ESRRG: variants seen among roughly 807,000 people sequenced by gnomAD.
ESRRG encodes estrogen-related receptor gamma.
Under a neutral mutation model 44.0 loss-of-function variants are expected in ESRRG, and 13 were observed. The ratio of observed to expected loss-of-function variants is 0.30; its 90% CI spans 0.19 to 0.47. ESRRG has a LOEUF of 0.47. Ranked by LOEUF, ESRRG falls within the 20% of genes least tolerant of loss-of-function variation. ESRRG has a pLI of 1.00. For synonymous variants in ESRRG, 215 were observed against 214.6 expected (o/e 1.00, Z -0.02); for missense variants, 395 against 580.6 (o/e 0.68, Z 3.29).
At chr1:217,036,309 T>TTG (rs778627681) in intron 1 of ESRRG, among the ~76,000 whole-genome samples, 27 of 152,268 alleles carry the variant, frequency 1.8e-4, no homozygotes, top group Non-Finnish European at 3.8e-4. Context: ...TCCCATTACT[T>TTG]GGTATATACC....
In ESRRG at chr1:216,643,992, A is replaced by G. The variant is rs142013370; in HGVS notation, c.589+6981T>C. Among the ~76,000 whole-genome samples, 395 of 152,226 alleles carry G rather than the reference A, an allele frequency of 2.6e-3. 1 individual carries two copies. Among genetic ancestry groups the G allele is most frequent in the South Asian group, 4.8e-3 (23 of 4,828 alleles). On this transcript the variant is annotated intron_variant, in intron 3 of 6. Coordinates refer to ENST00000408911, the MANE Select transcript of ESRRG (RefSeq NM_001438.4). The stretch of plus-strand genomic sequence containing the variant: ...CCTCTTATTTGGCCAAGGCTGCCAC[A>G]CAGCTTGGCATAGATACAGGAAGGT...
chr1:217,059,583 G>T (rs1224564414), intron 1 of ESRRG, among the ~76,000 whole-genome samples: 2 of 152,054 alleles, frequency 1.3e-5, no homozygotes, highest in Non-Finnish European at 2.9e-5. Flanking sequence ...AAGGACTCAA[G>T]AACCAACTTG....
intron 2 of ESRRG, among the ~76,000 whole-genome samples, chr1:216,877,383 T>G (rs2096372459): frequency 7.0e-6 from 1 of 142,854 alleles, no homozygotes; most frequent in Non-Finnish European, 1.6e-5. Context: ...TATGGTGTTT[T>G]TTTTTGTTTG....
At chr1:217,112,582 C>G (rs112479276) in intron 1 of ESRRG, among the ~76,000 whole-genome samples, 4 of 152,126 alleles carry the variant, frequency 2.6e-5, no homozygotes, top group African/African-American at 9.6e-5. Context: ...TTGTAGTTGC[C>G]TATAATAAAT....
rs1285952518 is a variant in ESRRG at position 216,504,108 on chromosome 1, C to T, written c.*2831G>A. ...AAAAAATTGTATCTCATTCTTTGAACATATCTCCATCTCAGGTTTTCAGTT... is the reference window on the plus strand; with the variant it reads ...AAAAAATTGTATCTCATTCTTTGAATATATCTCCATCTCAGGTTTTCAGTT... On this transcript the variant is annotated 3_prime_UTR_variant, in exon 7 of 7. Transcript: ENST00000408911. The T allele has an allele frequency of 6.6e-6, 1 of 152,498 alleles. No homozygotes were observed. The allele number at this position is 152,498 out of a possible 1,614,324, so 9.4% of individuals were successfully genotyped here. A position where few individuals can be genotyped will look rare whatever the true frequency, so the allele number is the denominator to read the frequency against.
At chr1:216,669,088 AT>A (rs1358555963) in intron 2 of ESRRG, among the ~76,000 whole-genome samples, 5 of 149,114 alleles carry the variant, frequency 3.4e-5, no homozygotes, top group African/African-American at 1.2e-4. Context: ...GTTTTTTTAT[AT>A]TTTTAAACAG....
upstream of ESRRG, chr1:216,723,432 A>C: frequency 5.2e-6 from 4 of 772,410 alleles, no homozygotes; most frequent in Non-Finnish European, 9.0e-6. Flanking sequence ...CAAAGCTCTC[A>C]CACTCTCCTA....
chr1:216,957,956 G>A (rs1016797964), intron 1 of ESRRG, among the ~76,000 whole-genome samples: 2 of 152,108 alleles, frequency 1.3e-5, no homozygotes, highest in African/African-American at 2.4e-5. Context: ...CCTCCCAGAG[G>A]AAACCAATGT....
At chr1:216,578,832 T>C (rs372020170) in intron 3 of ESRRG, among the ~76,000 whole-genome samples, 14 of 152,236 alleles carry the variant, frequency 9.2e-5, no homozygotes, top group African/African-American at 1.9e-4. Context: ...ACCTGAGCTA[T>C]CCACAGTTGC....
rs527939134 is a variant in ESRRG at position 216,927,716 on chromosome 1, C to T, written c.-14+11866G>A. 2.0e-4 allele frequency among the ~76,000 whole-genome samples: 30 copies of T among 152,250 alleles called. No homozygotes were observed. The South Asian group carries it at 5.8e-3, about 29-fold the overall frequency. ...CCTTCAGGAATATGGCATTCTTTTA[C>T]TCCAAGGCAGGACTGGTGCCATACT... On this transcript the variant is annotated intron_variant, in intron 2 of 7. Transcript: ENST00000359162.
chr1:217,015,887 G>A (rs1258374955), intron 1 of ESRRG, among the ~76,000 whole-genome samples: 8 of 151,888 alleles, frequency 5.3e-5, no homozygotes, highest in African/African-American at 1.9e-4. Flanking sequence ...ATGCCACCAC[G>A]CCCGGCTATT....
At chr1:216,685,538 C>T (rs1347558591) in intron 1 of ESRRG, among the ~76,000 whole-genome samples, 1 of 152,190 alleles carries the variant, frequency 6.6e-6, no homozygotes, top group Non-Finnish European at 1.5e-5. Context: ...TGAAGACCTT[C>T]CCACAGCACC....
In ESRRG at chr1:216,677,059, C is replaced by G. The variant is rs773822196; in HGVS notation, c.472+17G>C. ...GAGGTTGGAAGTGGGGAGAGTATTC[C>G]CAGGTCCGACACTAACCTTGAATTG... On this transcript the variant is annotated intron_variant, in intron 2 of 6. Transcript: ENST00000408911. The G allele has an allele frequency of 6.2e-7, 1 of 1,602,920 alleles. No individual in the cohort carries two copies. The highest frequency in any genetic ancestry group is 2.2e-5 in the East Asian group (1 of 44,752).
chr1:216,654,848 C>T (rs891439014), intron 2 of ESRRG, among the ~76,000 whole-genome samples: 1 of 151,844 alleles, frequency 6.6e-6, no homozygotes, highest in Non-Finnish European at 1.5e-5. Flanking sequence ...AAAAGGAAAA[C>T]AAAATAATAC....
intron 2 of ESRRG, among the ~76,000 whole-genome samples, chr1:216,838,986 A>G (rs1156848197): frequency 6.6e-6 from 1 of 152,114 alleles, no homozygotes; most frequent in Non-Finnish European, 1.5e-5. Flanking sequence ...GACAACAATG[A>G]AATTTACCAC....
chr1:216,601,959 C>G (rs2059317321), intron 3 of ESRRG, among the ~76,000 whole-genome samples: 1 of 152,186 alleles, frequency 6.6e-6, no homozygotes, highest in South Asian at 2.1e-4. Flanking sequence ...TTAAAATCCT[C>G]TTAATTAACA....
At chr1:216,563,452 G>T (rs1480154481) in intron 5 of ESRRG, among the ~76,000 whole-genome samples, 1 of 152,092 alleles carries the variant, frequency 6.6e-6, no homozygotes, top group African/African-American at 2.4e-5. Context: ...AAAGCATAAA[G>T]ACAAACTAGT....
chr1:217,065,010 T>C (rs1380839192), intron 1 of ESRRG, among the ~76,000 whole-genome samples: 1 of 152,176 alleles, frequency 6.6e-6, no homozygotes, highest in African/African-American at 2.4e-5. Flanking sequence ...AATGCCACAT[T>C]TTCCTGACTC....
At chr1:216,626,295 T>C (rs1301987570) in intron 3 of ESRRG, among the ~76,000 whole-genome samples, 1 of 152,152 alleles carries the variant, frequency 6.6e-6, no homozygotes, top group Non-Finnish European at 1.5e-5. Flanking sequence ...ATTCCTCTTC[T>C]CCTACCCTCG....
Sources: allele counts gnomAD v4.1 joint callset (sites outside exome capture counted in the v4.1 genomes callset), GRCh38; gene constraint gnomAD v4.1.1; transcripts MANE v1.5; gene names NCBI Gene and HGNC (gene_info 2026-07-23, HGNC 2026-07-21).